Variants in VAMP5 observed in about 807,000 individuals in gnomAD.
VAMP5 encodes vesicle-associated membrane protein 5.
A neutral mutation model predicts 8.1 loss-of-function variants in VAMP5; 10 were observed. The ratio of observed to expected loss-of-function variants is 1.23; its 90% confidence interval spans 0.76 to 2.09. The LOEUF is 2.09. VAMP5 is among the 30% of genes most tolerant of loss of function. The pLI is 0.00. For synonymous variants in VAMP5, 62 were observed against 60.6 expected, an observed-to-expected ratio of 1.02 and a Z score of -0.11; for missense variants, 135 against 152.5, an observed-to-expected ratio of 0.89 and a Z score of 0.60.
chr2:85,588,539 C>T (rs1672495217), intron 1 of VAMP5, among the ~76,000 whole-genome samples: 1 of 152,096 alleles, frequency 6.6e-6, no homozygotes, highest in Non-Finnish European at 1.5e-5. Context: ...GCCTGGTGGC[C>T]ATCTCCTGGC....
chr2:85,591,152 C>A (rs1193947472), intron 1 of VAMP5, among the ~76,000 whole-genome samples: 1 of 152,224 alleles, frequency 6.6e-6, no homozygotes, highest in Non-Finnish European at 1.5e-5. Context: ...GCAGAACTGG[C>A]CTGACCAGTC....
At chr2:85,591,938 C>T in intron 2 of VAMP5, 76 bp downstream of exon 2, 1 of 1,586,510 alleles carries the variant, frequency 6.3e-7, no homozygotes, top group East Asian at 2.2e-5. Context: ...TCAGGATCTC[C>T]AGTTCCTTGG....
intron 1 of VAMP5, among the ~76,000 whole-genome samples, chr2:85,589,048 G>C (rs1672503204): frequency 6.6e-6 from 1 of 152,210 alleles, no homozygotes; most frequent in South Asian, 2.1e-4. Flanking sequence ...ACTTTGGGAA[G>C]CTGAGGTGGG....
intron 1 of VAMP5, among the ~76,000 whole-genome samples, chr2:85,590,480 G>GGCT (rs928019525): frequency 7.9e-5 from 12 of 152,124 alleles, no homozygotes; most frequent in African/African-American, 2.9e-4. Context: ...AATTCTTGGA[G>GGCT]GCTGTATACC....
intron 1 of VAMP5, among the ~76,000 whole-genome samples, chr2:85,587,621 A>G (rs1441237131): frequency 4.6e-5 from 7 of 152,016 alleles, no homozygotes; most frequent in Non-Finnish European, 1.0e-4. Flanking sequence ...GGGCCACATC[A>G]ATATAATAGC....
intron 2 of VAMP5, 117 bp downstream of exon 2, chr2:85,591,979 G>A: frequency 6.8e-7 from 1 of 1,461,638 alleles, no homozygotes; most frequent in South Asian, 1.3e-5. Flanking sequence ...GGGCCAGTGT[G>A]GGGCCTCTGG....
At chr2:85,592,462 T>C (rs1325024517) in intron 2 of VAMP5, among the ~76,000 whole-genome samples, 1 of 151,902 alleles carries the variant, frequency 6.6e-6, no homozygotes, top group African/African-American at 2.4e-5. Flanking sequence ...ACACCGGTGT[T>C]TGAGATGAGT....
rs552973250 is a variant in VAMP5 at position 85,588,233 on chromosome 2, C to T, written c.4-3492C>T. Among the ~76,000 whole-genome samples, 18 of 152,222 alleles carry T rather than the reference C, an allele frequency of 1.2e-4. No homozygotes were observed. The East Asian group carries it at 2.7e-3, about 23-fold the overall frequency. Reference sequence around the variant, plus strand: ...TCCAGGGATTACAGGCATGAGCCACCGTGCCTGGCCCAGATGGTGTGGTTT... The same window carrying T: ...TCCAGGGATTACAGGCATGAGCCACTGTGCCTGGCCCAGATGGTGTGGTTT... On this transcript the variant is annotated intron_variant, in intron 1 of 2. Coordinates refer to ENST00000306384, the MANE Select transcript of VAMP5 (RefSeq NM_006634.3).
chr2:85,593,301 T>C lies in VAMP5; in HGVS notation c.*144T>C. 2 of 881,298 alleles carry C rather than the reference T, an allele frequency of 2.3e-6. No individual in the cohort carries two copies. Among genetic ancestry groups the C allele is most frequent in the Non-Finnish European group, 3.5e-6 (2 of 566,358 alleles). 54.6% of individuals were successfully genotyped at this position (881,298 alleles called of 1,614,324 possible). ...ATGTGCACCCCTGCATTTCCTGTCA[T>C]GCCACAGACTGGCCCTTGAGGGCAG... is the stretch of plus-strand genomic sequence containing the variant. On this transcript the variant is annotated 3_prime_UTR_variant, in exon 3 of 3. Coordinates refer to ENST00000306384, the MANE Select transcript of VAMP5 (RefSeq NM_006634.3).
chr2:85,591,735 A>G lies in VAMP5; in HGVS notation c.14A>G (p.Glu5Gly). Residue 5 changes from glutamate (E) to glycine (G), a missense_variant, in exon 2 of 3, where the codon GAG (glutamate) becomes GGG (glycine). Transcript: ENST00000306384. MAGI[E>G]LERCQQQANE... ...GGGCTTGGTGTCCAGGCAGGAATAG[A>G]GTTGGAGCGGTGCCAGCAGCAGGCG... 6.2e-7 allele frequency: 1 copy of G among 1,614,116 alleles called. No individual in the cohort carries two copies.
rs10594889 is a variant in VAMP5 at position 85,587,261 on chromosome 2, A to AT, written c.3+2782dup. On this transcript the variant is annotated intron_variant, in intron 1 of 2. Transcript: ENST00000306384. ...TTTTACTGACCACCTGTATTACACA[A>AT]TTTTTTTTTTTTTTGAGACAGAATC... Among the ~76,000 whole-genome samples, 247 of 145,538 alleles carry AT rather than the reference A, an allele frequency of 1.7e-3. 1 individual carries two copies. Among genetic ancestry groups the AT allele is most frequent in the East Asian group, 5.0e-3 (25 of 4,978 alleles).
At chr2:85,588,485 C>T (rs1464165592) in intron 1 of VAMP5, among the ~76,000 whole-genome samples, 1 of 152,138 alleles carries the variant, frequency 6.6e-6, no homozygotes, top group African/African-American at 2.4e-5. Context: ...ATGCCTGTCT[C>T]ACCCTTCTTC....
intron 1 of VAMP5, among the ~76,000 whole-genome samples, chr2:85,585,826 A>G (rs1346693310): frequency 6.6e-6 from 1 of 151,710 alleles, no homozygotes; most frequent in East Asian, 1.9e-4. Flanking sequence ...CCTTCCTTCC[A>G]CCCATCCCCT....
intron 1 of VAMP5, among the ~76,000 whole-genome samples, chr2:85,590,981 C>G (rs1052049078): frequency 6.6e-6 from 1 of 152,226 alleles, no homozygotes; most frequent in Non-Finnish European, 1.5e-5. Context: ...AGCTGCCCCC[C>G]AGGCTGGGAA....
At chr2:85,584,566 C>A in intron 1 of VAMP5, 73 bp downstream of exon 1, 2 of 1,231,618 alleles carry the variant, frequency 1.6e-6, no homozygotes, top group South Asian at 4.1e-5. Context: ...AGAGAGGAGT[C>A]CAAAGTCCGC....
intron 1 of VAMP5, among the ~76,000 whole-genome samples, chr2:85,591,346 T>C (rs1672535084): frequency 6.6e-6 from 1 of 152,182 alleles, no homozygotes; most frequent in South Asian, 2.1e-4. Flanking sequence ...TGGGAAACCT[T>C]AGGGCAGCTG....
At chr2:85,590,210 AC>A (rs1672518998) in intron 1 of VAMP5, among the ~76,000 whole-genome samples, 1 of 151,962 alleles carries the variant, frequency 6.6e-6, no homozygotes, top group Non-Finnish European at 1.5e-5. Context: ...GTAAATATTG[AC>A]CTATTTGGGT....
rs748461773 is a variant in VAMP5, at chr2:85,593,206, G to A, written c.*49G>A. 3.1e-6 allele frequency: 5 copies of A among 1,598,524 alleles called. No homozygotes were observed. The South Asian group carries it at 5.6e-5, about 18-fold the overall frequency. Reference sequence around the variant, plus strand: ...CCAAATGGCTGCACTGGCCGATTCTGGTCTCCAGAGGACCTTGGTGTTTGC... The same window carrying A: ...CCAAATGGCTGCACTGGCCGATTCTAGTCTCCAGAGGACCTTGGTGTTTGC... On this transcript the variant is annotated 3_prime_UTR_variant, in exon 3 of 3. Coordinates refer to ENST00000306384, the MANE Select transcript of VAMP5 (RefSeq NM_006634.3).
chr2:85,585,755 C>T (rs1203269253), intron 1 of VAMP5, among the ~76,000 whole-genome samples: 13 of 152,198 alleles, frequency 8.5e-5, no homozygotes, highest in African/African-American at 3.1e-4. Context: ...GTCGCTCCTC[C>T]ACCCATCCAT....
Sources: allele counts gnomAD v4.1 joint callset (sites outside exome capture counted in the v4.1 genomes callset), GRCh38; gene constraint gnomAD v4.1.1; transcripts MANE v1.5; gene names NCBI Gene and HGNC (gene_info 2026-07-23, HGNC 2026-07-21).